Variants in TMEM131 observed in about 807,000 individuals in gnomAD.
TMEM131 encodes the protein transmembrane protein 131, also known as 2610524E03Rik.
A neutral mutation model predicts 211.6 loss-of-function variants in TMEM131; 66 were observed. That is an observed-to-expected ratio of 0.31 (90% CI 0.26 to 0.38). The LOEUF (loss-of-function observed/expected upper bound fraction) is 0.38, where lower values mean the gene tolerates loss of function less well. Among genes scored for constraint, TMEM131 ranks in the 10% least tolerant of loss-of-function variants. TMEM131 has a pLI of 1.00. For synonymous variants in TMEM131, 844 were observed against 841.3 expected (o/e 1.00, Z -0.06); for missense variants, 2,036 against 2,299.3 (o/e 0.89, Z 2.34).
intron 2 of TMEM131, among the ~76,000 whole-genome samples, chr2:97,916,198 G>A (rs893640723): frequency 1.3e-5 from 2 of 152,214 alleles, no homozygotes; most frequent in Non-Finnish European, 2.9e-5. Flanking sequence ...TTATAGGCGT[G>A]GGCCACGGCA....
At chr2:97,870,247 TG>T (rs1191620874) in intron 4 of TMEM131, among the ~76,000 whole-genome samples, 1 of 152,190 alleles carries the variant, frequency 6.6e-6, no homozygotes, top group Admixed American at 6.5e-5. Flanking sequence ...ATTGAATAAT[TG>T]GGAGAATGTA....
intron 31 of TMEM131, among the ~76,000 whole-genome samples, chr2:97,783,516 CAT>C (rs750332356): frequency 3.2e-4 from 49 of 151,912 alleles, no homozygotes; most frequent in Admixed American, 3.0e-3. Context: ...AGCAAAGAAA[CAT>C]AAAGGGAGAT....
chr2:97,855,876 T>C (rs989981217), intron 5 of TMEM131, among the ~76,000 whole-genome samples: 3 of 152,188 alleles, frequency 2.0e-5, no homozygotes, highest in African/African-American at 4.8e-5. Context: ...AAAACATGCA[T>C]GGAATCAATA....
chr2:97,883,016 G>A (rs1674999839), intron 4 of TMEM131, among the ~76,000 whole-genome samples: 1 of 152,150 alleles, frequency 6.6e-6, no homozygotes, highest in Admixed American at 6.5e-5. Context: ...TTGGGTTCTG[G>A]TGTGGAGCCT....
chr2:97,925,832 C>T (rs561298187), intron 2 of TMEM131, among the ~76,000 whole-genome samples: 6 of 152,022 alleles, frequency 3.9e-5, no homozygotes, highest in East Asian at 1.9e-4. Context: ...ATGAGTTGGC[C>T]GGGCGCGGTG....
chr2:97,761,009 T>C, intron 36 of TMEM131, 95 bp from the exon 37 acceptor site: 1 of 1,523,684 alleles, frequency 6.6e-7, no homozygotes, highest in Non-Finnish European at 8.9e-7. Flanking sequence ...TGAGTGGGCT[T>C]CTCTGCAGCG....
rs573586614 is a variant in TMEM131 at position 97,768,872 on chromosome 2, G to A, written c.4449-2270C>T. Among the ~76,000 whole-genome samples the A allele has an allele frequency of 1.2e-3, 175 of 143,564 alleles. 3 individuals carry two copies. Among genetic ancestry groups the A allele is most frequent in the Non-Finnish European group, 1.9e-3 (127 of 67,404 alleles). The allele number at this position is 143,564 out of a possible 152,430, so 94.2% of individuals were successfully genotyped here. ...TCCCAAAGTGCTGGGATTACAGTGG[G>A]ATTACAGGTGTGAGCCACCGTGCCC... On this transcript the variant is annotated intron_variant, in intron 33 of 40. Transcript: ENST00000186436.
intron 18 of TMEM131, 66 bp from the exon 19 acceptor site, chr2:97,809,840 C>T (rs1183242600): frequency 2.3e-6 from 3 of 1,325,128 alleles, no homozygotes; most frequent in Middle Eastern, 1.8e-4. Context: ...ATAACTATTG[C>T]ATTATATTTT....
Position 97,834,920 on chromosome 2 carries a change from A to G in TMEM131, c.810T>C (p.Ile270=), listed in dbSNP as rs1682870759. 6.2e-7 allele frequency: 1 copy of G among 1,613,462 alleles called. No homozygotes were observed. Among genetic ancestry groups the G allele is most frequent in the Admixed American group, 1.7e-5 (1 of 59,976 alleles). Residue 270 remains isoleucine, a synonymous_variant, in exon 9 of 41, where the codon ATT becomes ATC. Coordinates refer to ENST00000186436, the MANE Select transcript of TMEM131 (RefSeq NM_015348.2). Reference sequence around the variant, plus strand: ...TCACTCCCTTGGTTTCATAAGGAGGAATTTCCTGACAAGTTAACAGACCAT... The same window carrying G: ...TCACTCCCTTGGTTTCATAAGGAGGGATTTCCTGACAAGTTAACAGACCAT... ...QQGGTRKLWE[I]PPYETKGVMR...
intron 2 of TMEM131, among the ~76,000 whole-genome samples, chr2:97,911,404 T>A (rs1156456251): frequency 1.3e-5 from 2 of 152,338 alleles, no homozygotes; most frequent in African/African-American, 2.4e-5. Flanking sequence ...GCCAACTTTT[T>A]AAATTACATA....
chr2:97,932,742 A>G (rs1171835131), intron 1 of TMEM131, among the ~76,000 whole-genome samples: 2 of 152,144 alleles, frequency 1.3e-5, no homozygotes, highest in East Asian at 3.8e-4. Context: ...AATCACTAAA[A>G]CTCTGAAGCT....
intron 2 of TMEM131, among the ~76,000 whole-genome samples, chr2:97,915,932 TA>T (rs1174438553): frequency 1.3e-5 from 2 of 152,156 alleles, no homozygotes; most frequent in Non-Finnish European, 2.9e-5. Flanking sequence ...TTTATTTTAA[TA>T]AAATAAAATT....
At chr2:97,828,707 G>GT (rs1266610806) in intron 11 of TMEM131, among the ~76,000 whole-genome samples, 1 of 152,190 alleles carries the variant, frequency 6.6e-6, no homozygotes, top group African/African-American at 2.4e-5. Flanking sequence ...GGAGAAGAGT[G>GT]TTTTTTTACA....
At chr2:97,943,080 A>AGAAAGAAAGAAAGAAAGAAG in intron 1 of TMEM131, among the ~76,000 whole-genome samples, 1 of 139,308 alleles carries the variant, frequency 7.2e-6, no homozygotes, top group South Asian at 2.2e-4. Context: ...AAAGAAAGAA[A>AGAAAGAAAGAAAGAAAGAAG]GAAAGAAAGA....
chr2:97,774,123 T>C (rs975587625), intron 32 of TMEM131, among the ~76,000 whole-genome samples: 2 of 152,276 alleles, frequency 1.3e-5, no homozygotes, highest in East Asian at 1.9e-4. Context: ...TAACCAGAGC[T>C]AGGGCTAAAA....
chr2:97,961,649 G>A (rs916069361), intron 1 of TMEM131, among the ~76,000 whole-genome samples: 1 of 152,136 alleles, frequency 6.6e-6, no homozygotes, highest in Non-Finnish European at 1.5e-5. Flanking sequence ...AAAGACTGCC[G>A]TAACCAAGCT....
chr2:97,920,812 C>A (rs1425168648), intron 2 of TMEM131, among the ~76,000 whole-genome samples: 2 of 152,080 alleles, frequency 1.3e-5, no homozygotes, highest in African/African-American at 4.8e-5. Context: ...TGTTCAAGAT[C>A]TTTATGCAGA....
chr2:97,913,088 T>C (rs1220990308), intron 2 of TMEM131: 2 of 152,164 alleles, frequency 1.3e-5, no homozygotes, highest in Admixed American at 6.5e-5. Flanking sequence ...AAAAACATGC[T>C]GGACAAATTC....
chr2:97,814,554 A>G (rs1240094449), intron 13 of TMEM131, among the ~76,000 whole-genome samples, 166 bp from the exon 14 acceptor site: 1 of 152,234 alleles, frequency 6.6e-6, no homozygotes, highest in African/African-American at 2.4e-5. Context: ...ATTTAAAACA[A>G]AATTTAGCTT....
Sources: gnomAD v4.1 joint callset for allele counts (sites outside exome capture counted in the v4.1 genomes callset) on GRCh38, gnomAD v4.1.1 for gene constraint, MANE v1.5 for transcripts, NCBI Gene and HGNC (gene_info 2026-07-23, HGNC 2026-07-21) for gene names.